Variants in VSIG10 observed in about 807,000 individuals in gnomAD.
VSIG10 encodes V-set and immunoglobulin domain containing 10.
In VSIG10, 48 loss-of-function variants were observed where a neutral mutation model predicts 58.7. The observed-to-expected ratio is 0.82, with a 90% CI of 0.65 to 1.04. The LOEUF (loss-of-function observed/expected upper bound fraction) is 1.04. VSIG10 is among the 50% of genes least tolerant of loss of function. VSIG10 has a pLI of 0.00. For missense variants in VSIG10, 628 were observed against 670.0 expected, an observed-to-expected ratio of 0.94 and a Z score of 0.69; for synonymous variants, 260 against 267.1, an observed-to-expected ratio of 0.97 and a Z score of 0.26.
At chr12:118,071,007 C>T in intron 7 of VSIG10, 45 bp downstream of exon 7, 1 of 1,593,434 alleles carries the variant, frequency 6.3e-7, no homozygotes, top group Non-Finnish European at 8.6e-7. Context: ...GAAGTGAAGA[C>T]AGATGCGGGA....
At chr12:118,101,834 T>C (rs1481254006) in intron 1 of VSIG10, 1 of 152,098 alleles carries the variant, frequency 6.6e-6, no homozygotes, top group Non-Finnish European at 1.5e-5. Context: ...GGTCTGGGCA[T>C]CAAAATAGCT....
At chr12:118,066,764 A>G (rs1465973311) in intron 8 of VSIG10, 70 bp from the exon 9 acceptor site, 9 of 1,478,666 alleles carry the variant, frequency 6.1e-6, no homozygotes, top group South Asian at 3.9e-5. Context: ...TCAGTCATCA[A>G]TCATCTCAGT....
intron 3 of VSIG10, 107 bp from the exon 4 acceptor site, chr12:118,079,713 C>G: frequency 6.9e-7 from 1 of 1,456,016 alleles, no homozygotes. Context: ...ACATCAACCC[C>G]AGTTAGTGTT....
chr12:118,095,526 C>T lies in VSIG10; in HGVS notation c.361+7G>A. 1 of 1,613,670 alleles carries T rather than the reference C, an allele frequency of 6.2e-7. No individual in the cohort carries two copies. The highest frequency in any genetic ancestry group is 8.5e-7 in the Non-Finnish European group (1 of 1,179,690). ...CTCCAGCCCCGGTCCCTGCCAGCCC[C>T]ACTTACTGGCCACCTGCAGCCACAC... is the stretch of plus-strand genomic sequence containing the variant. On this transcript the variant is annotated splice_region_variant and intron_variant, in intron 2 of 8. Coordinates refer to ENST00000359236, the MANE Select transcript of VSIG10 (RefSeq NM_019086.6).
rs771429762 is a variant in VSIG10 at position 118,098,796 on chromosome 12, TAA to T, written c.80-2984_80-2983del. Among the ~76,000 whole-genome samples, 4 of 152,270 alleles carry T rather than the reference TAA, an allele frequency of 2.6e-5. No homozygotes were observed. In the East Asian group the frequency reaches 7.7e-4, roughly 29 times the overall value. ...CGGCAGCCGCAGCATGTTAGAAATA[TAA>T]ATTATCAAGCCTCACCCCAAAACAC... On this transcript the variant is annotated intron_variant, in intron 1 of 8. Transcript: ENST00000359236.
rs1346797857 is a variant in VSIG10, at chr12:118,079,388, T to C, written c.883A>G (p.Ile295Val). Residue 295 changes from isoleucine (I) to valine (V), a missense_variant, in exon 4 of 9, where the codon ATA (isoleucine) becomes GTA (valine). Transcript: ENST00000359236. ...GKKFKCVTSH[I>V]VGPESGASCM... is the part of the protein sequence containing the mutation. Reference sequence around the variant, plus strand: ...CTGGCGCCCGACTCTGGCCCAACTATGTGGCTTGTAACACACTTGAACTTC... The same window carrying C: ...CTGGCGCCCGACTCTGGCCCAACTACGTGGCTTGTAACACACTTGAACTTC... The C allele has an allele frequency of 1.2e-6, 2 of 1,614,016 alleles. No homozygotes were observed. The highest frequency in any genetic ancestry group is 1.7e-6 in the Non-Finnish European group (2 of 1,179,888).
Position 118,095,704 on chromosome 12 carries a change from C to A in VSIG10, c.190G>T (p.Val64Phe). The A allele has an allele frequency of 6.2e-7, 1 of 1,613,928 alleles. No homozygotes were observed. Among genetic ancestry groups the A allele is most frequent in the Non-Finnish European group, 8.5e-7 (1 of 1,179,882 alleles). ...CTAGAGTTGGACGAGAGAAGGAAGACAGGCTCCGAGTTGTTCCGGTACCAG... is the reference window on the plus strand; with the variant it reads ...CTAGAGTTGGACGAGAGAAGGAAGAAAGGCTCCGAGTTGTTCCGGTACCAG... ...VTWYRNNSEPVFLLSSNSSLR... is the reference protein window; with the variant it reads ...VTWYRNNSEPFFLLSSNSSLR... Residue 64 changes from valine (V) to phenylalanine (F), a missense_variant, in exon 2 of 9, where the codon GTC becomes TTC. By Grantham distance (50) the Val-to-Phe change is conservative. Transcript: ENST00000359236.
At position 118,079,472 on chromosome 12, in the gene VSIG10, C is replaced by A. The variant is rs137983814; in HGVS notation, c.799G>T (p.Val267Leu). The A allele has an allele frequency of 1.2e-6, 2 of 1,614,038 alleles. No individual in the cohort carries two copies. The highest frequency in any genetic ancestry group is 1.7e-6 in the Non-Finnish European group (2 of 1,179,904). The change falls in exon 4 of 9, where the codon GTG becomes TTG. Residue 267 changes from valine to leucine, a missense_variant. Val to Leu is a conservative substitution (Grantham distance 32). Coordinates refer to ENST00000359236, the MANE Select transcript of VSIG10 (RefSeq NM_019086.6). Reference sequence around the variant, plus strand: ...TCCACCCCCAGCTTTGACTTCCCCACGATTACACCTCCTGGCTCTTCTATC... The same window carrying A: ...TCCACCCCCAGCTTTGACTTCCCCAAGATTACACCTCCTGGCTCTTCTATC... ...LWIEEPGGVI[V>L]GKSKLGVEML...
At chr12:118,082,001 G>T in intron 3 of VSIG10, 126 bp downstream of exon 3, 1 of 1,103,204 alleles carries the variant, frequency 9.1e-7, no homozygotes, top group Non-Finnish European at 1.2e-6. Flanking sequence ...TGGGCAAGAA[G>T]AGGGAAACTC....
rs982565034 is a variant in VSIG10, at chr12:118,082,531, G to C, written c.362-102C>G. ...AAATGAACAGAAAATAGCCAATGAA[G>C]AGTATGGTATCTATCTAATACTAGG... On this transcript the variant is annotated intron_variant, in intron 2 of 8. Transcript: ENST00000359236. The C allele has an allele frequency of 2.5e-5, 30 of 1,197,176 alleles. No individual in the cohort carries two copies. The African/African-American group carries it at 4.2e-4, about 17-fold the overall frequency. 74.2% of individuals were successfully genotyped at this position (1,197,176 alleles called of 1,614,324 possible).
At chr12:118,069,404 T>TTTCTTCTTC (rs927180127) in intron 7 of VSIG10, among the ~76,000 whole-genome samples, 1 of 135,646 alleles carries the variant, frequency 7.4e-6, no homozygotes, top group African/African-American at 2.9e-5. Flanking sequence ...GGACTGTGCA[T>TTTCTTCTTC]TTCTTCTTCT....
Position 118,073,890 on chromosome 12 carries a change from A to T in VSIG10, c.1028T>A (p.Leu343Gln). The change falls in exon 5 of 9, where the codon CTG (leucine) becomes CAG (glutamine). Residue 343 changes from leucine (L) to glutamine (Q), a missense_variant. By Grantham distance (113) the Leu-to-Gln change is moderately radical (BLOSUM62 -2). Transcript: ENST00000359236. ...VSGAYPPAKI[L>Q]WLRNLTQPEV... ...GGGCTGGGTAAGGTTCCTCAGCCAC[A>T]GGATCTTGGCAGGGGGGTAGGCCCC... is the stretch of plus-strand genomic sequence containing the variant. 1 of 1,613,948 alleles carries T rather than the reference A, an allele frequency of 6.2e-7. No individual in the cohort carries two copies. The highest frequency in any genetic ancestry group is 2.2e-5 in the East Asian group (1 of 44,876).
rs561521372 is a variant in VSIG10, at chr12:118,093,668, T to C, written c.361+1865A>G. On this transcript the variant is annotated intron_variant, in intron 2 of 8. Coordinates refer to ENST00000359236, the MANE Select transcript of VSIG10 (RefSeq NM_019086.6). ...GCTCATGCTTGTAATCCCAGTACTT[T>C]GGGAGGCCGAGGTGGGCAGATCACG... 9.2e-5 allele frequency among the ~76,000 whole-genome samples: 14 copies of C among 151,878 alleles called. 1 individual carries two copies. The East Asian group carries it at 2.4e-3, about 26-fold the overall frequency.
At position 118,079,994 on chromosome 12, in the gene VSIG10, C is replaced by T. The variant is rs1256277839; in HGVS notation, c.665-388G>A. Among the ~76,000 whole-genome samples, 6 of 152,142 alleles carry T rather than the reference C, an allele frequency of 3.9e-5. No homozygotes were observed. The East Asian group carries it at 9.7e-4, about 24-fold the overall frequency. On this transcript the variant is annotated intron_variant, in intron 3 of 8. Transcript: ENST00000359236. ...GATTACAGGCATGCGCCACCACGCC[C>T]TGCTTATTTTTATATTTTTAGTAGA...
rs377103886 is a variant in VSIG10, at chr12:118,097,431, A to G, written c.80-1617T>C. Among the ~76,000 whole-genome samples the G allele has an allele frequency of 7.2e-5, 11 of 152,202 alleles. No homozygotes were observed. The East Asian group carries it at 1.7e-3, about 24-fold the overall frequency. On this transcript the variant is annotated intron_variant, in intron 1 of 8. Coordinates refer to ENST00000359236, the MANE Select transcript of VSIG10 (RefSeq NM_019086.6). ...GGAGTTCGAGACTAGCCTGGCCAACATGGTGAAACCCCGTCTCTGCTAAAA... is the reference window on the plus strand; with the variant it reads ...GGAGTTCGAGACTAGCCTGGCCAACGTGGTGAAACCCCGTCTCTGCTAAAA...
At chr12:118,088,297 G>A (rs982100531) in intron 2 of VSIG10, among the ~76,000 whole-genome samples, 5 of 150,746 alleles carry the variant, frequency 3.3e-5, no homozygotes, top group Admixed American at 6.6e-5. Flanking sequence ...GAGAACTTGA[G>A]ATGGACTATC....
chr12:118,090,581 C>T (rs1038688998), intron 2 of VSIG10, among the ~76,000 whole-genome samples: 1 of 152,196 alleles, frequency 6.6e-6, no homozygotes, highest in African/African-American at 2.4e-5. Context: ...CGCCGGCCTT[C>T]TCCCTATCTG....
At chr12:118,092,222 T>TA (rs1237830475) in intron 2 of VSIG10, among the ~76,000 whole-genome samples, 1 of 152,124 alleles carries the variant, frequency 6.6e-6, no homozygotes, top group African/African-American at 2.4e-5. Context: ...CATGCCCAGC[T>TA]AATTACTATT....
At chr12:118,096,671 T>A (rs529425451) in intron 1 of VSIG10, among the ~76,000 whole-genome samples, 186 of 150,812 alleles carry the variant, frequency 1.2e-3, no homozygotes, top group African/African-American at 4.3e-3. Context: ...TCCGCCGGCC[T>A]CGGCCTCCCA....
Sources: allele counts gnomAD v4.1 joint callset (sites outside exome capture counted in the v4.1 genomes callset), GRCh38; gene constraint gnomAD v4.1.1; transcripts MANE v1.5; gene names NCBI Gene and HGNC (gene_info 2026-07-23, HGNC 2026-07-21).